The following LIMS1 variants were observed in gnomAD, a reference collection of about 807,000 sequenced individuals.
LIMS1 encodes the protein LIM and senescent cell antigen-like-containing domain protein 1.
A neutral mutation model predicts 44.1 loss-of-function variants in LIMS1; 18 were observed. The ratio of observed to expected loss-of-function variants is 0.41; its 90% CI spans 0.28 to 0.61. The LOEUF (loss-of-function observed/expected upper bound fraction) is 0.61. LIMS1 is among the 20% of genes least tolerant of loss of function. The probability of loss-of-function intolerance (pLI) is 0.32; values close to 1 mark genes in which losing one functional copy is unlikely to be tolerated. For synonymous variants in LIMS1, 93 were observed against 149.1 expected (o/e 0.62, Z 2.74); for missense variants, 201 against 422.0 (o/e 0.48, Z 4.59).
chr2:108,542,898 G>A (rs1012448583), intron 1 of LIMS1, among the ~76,000 whole-genome samples: 10 of 152,186 alleles, frequency 6.6e-5, no homozygotes, highest in African/African-American at 1.7e-4. Flanking sequence ...TAATGTGTCT[G>A]TATTTGTGTG....
chr2:108,612,846 T>G (rs1442679882), intron 1 of LIMS1, among the ~76,000 whole-genome samples: 1 of 152,146 alleles, frequency 6.6e-6, no homozygotes, highest in East Asian at 1.9e-4. Context: ...CTGCGGCTCC[T>G]GCGCCTGTCA....
chr2:108,592,943 G>C (rs896251193), intron 1 of LIMS1, among the ~76,000 whole-genome samples: 1 of 152,148 alleles, frequency 6.6e-6, no homozygotes. Context: ...GAGGACACTT[G>C]GGTTGTTTCC....
At chr2:108,663,860 T>A (rs1008099046) in intron 2 of LIMS1, among the ~76,000 whole-genome samples, 2 of 152,252 alleles carry the variant, frequency 1.3e-5, no homozygotes, top group Admixed American at 1.3e-4. Flanking sequence ...CCTCGAGTGC[T>A]TCTCCTGCCT....
chr2:108,621,169 G>A (rs1573470256), intron 1 of LIMS1: 1 of 1,095,500 alleles, frequency 9.1e-7, no homozygotes, highest in Non-Finnish European at 1.2e-6. Context: ...GTTGTGCCTT[G>A]CTGAGGAGGG....
chr2:108,538,688 T>A (rs887151851), intron 1 of LIMS1, among the ~76,000 whole-genome samples: 2 of 152,238 alleles, frequency 1.3e-5, no homozygotes, highest in Non-Finnish European at 2.9e-5. Context: ...ATTGCTTTTT[T>A]TAGTATTAAA....
intron 2 of LIMS1, chr2:108,662,279 T>C: frequency 6.2e-7 from 1 of 1,612,066 alleles, no homozygotes; most frequent in East Asian, 2.2e-5. Flanking sequence ...GACCGCTTCC[T>C]GAGCTCCTGC....
chr2:108,686,497 C>G (rs1199858149), exon 10 of LIMS1: 3 of 151,680 alleles, frequency 2.0e-5, no homozygotes, highest in Non-Finnish European at 4.4e-5. Context: ...GTGGGCCGGG[C>G]GTGGTGGCTC....
intron 1 of LIMS1, among the ~76,000 whole-genome samples, chr2:108,560,693 C>CGATGGATG (rs760488620): frequency 2.0e-5 from 3 of 151,908 alleles, no homozygotes; most frequent in Non-Finnish European, 4.4e-5. Context: ...CACACAGCTT[C>CGATGGATG]GATGGATGGA....
At chr2:108,632,918 G>A (rs986091760) in intron 1 of LIMS1, among the ~76,000 whole-genome samples, 1 of 152,184 alleles carries the variant, frequency 6.6e-6, no homozygotes, top group Non-Finnish European at 1.5e-5. Context: ...TTCTGAATGA[G>A]AAAGCACTGA....
chr2:108,578,460 C>T (rs1300029385), intron 1 of LIMS1, among the ~76,000 whole-genome samples: 1 of 152,140 alleles, frequency 6.6e-6, no homozygotes, highest in Admixed American at 6.6e-5. Flanking sequence ...GGAATATCTG[C>T]ACTTTCCTCC....
intron 1 of LIMS1, among the ~76,000 whole-genome samples, chr2:108,590,643 A>G (rs1422298124): frequency 6.6e-6 from 1 of 152,248 alleles, no homozygotes. Context: ...TGGGCTTTGA[A>G]GAATTTGACA....
chr2:108,538,983 A>G (rs1198747616), intron 1 of LIMS1, among the ~76,000 whole-genome samples: 1 of 152,206 alleles, frequency 6.6e-6, no homozygotes, highest in African/African-American at 2.4e-5. Flanking sequence ...TTCACAGTGT[A>G]CATGTGATAT....
chr2:108,642,407 TGGA>T (rs1689755717), intron 1 of LIMS1, among the ~76,000 whole-genome samples: 1 of 137,164 alleles, frequency 7.3e-6, no homozygotes, highest in African/African-American at 2.7e-5. Flanking sequence ...TCGCCCAGGC[TGGA>T]GTGCAGTGGC....
At chr2:108,644,444 G>A (rs1689924029) in intron 1 of LIMS1, among the ~76,000 whole-genome samples, 1 of 152,166 alleles carries the variant, frequency 6.6e-6, no homozygotes, top group Non-Finnish European at 1.5e-5. Flanking sequence ...GAAAGGCATA[G>A]CATCAACATC....
At chr2:108,657,431 T>C (rs528595065) in intron 1 of LIMS1, among the ~76,000 whole-genome samples, 2 of 152,428 alleles carry the variant, frequency 1.3e-5, no homozygotes, top group Non-Finnish European at 2.9e-5. Flanking sequence ...AAAATACTTT[T>C]TCCTCAGAAC....
intron 1 of LIMS1, among the ~76,000 whole-genome samples, chr2:108,591,788 AG>A (rs371424650): frequency 0.024 from 3,113 of 128,042 alleles, 50 homozygotes; most frequent in Non-Finnish European, 0.027. Flanking sequence ...AAATGTTTTT[AG>A]TTTTTTTTTT....
intron 1 of LIMS1, among the ~76,000 whole-genome samples, chr2:108,614,237 G>T (rs1247456680): frequency 6.6e-6 from 1 of 152,170 alleles, no homozygotes; most frequent in African/African-American, 2.4e-5. Flanking sequence ...CCCTTGACAG[G>T]TCCTCACCAT....
chr2:108,543,302 G>A (rs990920009), intron 1 of LIMS1, among the ~76,000 whole-genome samples: 1 of 152,110 alleles, frequency 6.6e-6, no homozygotes, highest in East Asian at 1.9e-4. Flanking sequence ...ATGGTGGCAC[G>A]TGCCCGTAGT....
chr2:108,669,712 A>T (rs1320074182), intron 2 of LIMS1, among the ~76,000 whole-genome samples: 7 of 135,384 alleles, frequency 5.2e-5, no homozygotes, highest in African/African-American at 1.8e-4. Context: ...GCTTCTTAGC[A>T]TTTCTCTATT....
Sources: gnomAD v4.1 joint callset for allele counts (sites outside exome capture counted in the v4.1 genomes callset) on GRCh38, gnomAD v4.1.1 for gene constraint, MANE v1.5 for transcripts, NCBI Gene and HGNC (gene_info 2026-07-23, HGNC 2026-07-21) for gene names.